The following P2RY12 variants were observed in gnomAD, a reference collection of about 807,000 sequenced individuals.
P2RY12 encodes P2Y purinoceptor 12.
In P2RY12, 3 loss-of-function variants were observed where a neutral mutation model predicts 4.5. That is an observed-to-expected ratio of 0.67 (90% confidence interval 0.31 to 1.74). P2RY12 has a LOEUF of 1.74. P2RY12 is among the 40% of genes most tolerant of loss of function. The pLI, the probability that P2RY12 is intolerant of heterozygous loss-of-function variation, is 0.09. For synonymous variants in P2RY12, 148 were observed against 154.1 expected, an observed-to-expected ratio of 0.96 and a Z score of 0.29; for missense variants, 356 against 407.8, an observed-to-expected ratio of 0.87 and a Z score of 1.09.
intron 1 of P2RY12, chr3:151,383,638 G>T: frequency 1.7e-6 from 1 of 583,618 alleles, no homozygotes. Context: ...GTAGGTAAAA[G>T]AGAAAAGATA....
intron 1 of P2RY12, among the ~76,000 whole-genome samples, chr3:151,354,017 T>TC (rs35200721): frequency 1.8e-4 from 8 of 45,400 alleles, no homozygotes; most frequent in African/African-American, 6.8e-4. Context: ...GGCGGGCGCC[T>TC]GTAGTCCCAG....
At chr3:151,366,510 C>A (rs973243281) in intron 1 of P2RY12, among the ~76,000 whole-genome samples, 1 of 152,152 alleles carries the variant, frequency 6.6e-6, no homozygotes, top group African/African-American at 2.4e-5. Context: ...TGAAAAGATA[C>A]CCCTTGTATA....
At chr3:151,358,649 T>C (rs1311147564) in intron 1 of P2RY12, among the ~76,000 whole-genome samples, 1 of 152,220 alleles carries the variant, frequency 6.6e-6, no homozygotes, top group Non-Finnish European at 1.5e-5. Flanking sequence ...ATTTTTATCC[T>C]GTTAAATATT....
chr3:151,364,657 T>C (rs1755058531), intron 1 of P2RY12, among the ~76,000 whole-genome samples: 1 of 152,196 alleles, frequency 6.6e-6, no homozygotes, highest in African/African-American at 2.4e-5. Context: ...GACACAGTTG[T>C]TGGAAGCCAT....
intron 1 of P2RY12, among the ~76,000 whole-genome samples, chr3:151,370,267 C>T (rs1756011592): frequency 6.6e-6 from 1 of 152,084 alleles, no homozygotes; most frequent in Admixed American, 6.5e-5. Flanking sequence ...AGTCAGACTG[C>T]CTAATTCCAA....
intron 1 of P2RY12, chr3:151,367,495 A>G (rs952047834): frequency 8.4e-6 from 5 of 592,500 alleles, no homozygotes; most frequent in African/African-American, 3.8e-5. Flanking sequence ...GGCCTAGAGG[A>G]TAATCATCAT....
chr3:151,375,954 G>A (rs913281893), intron 1 of P2RY12: 1 of 619,524 alleles, frequency 1.6e-6, no homozygotes, highest in African/African-American at 2.3e-5. Flanking sequence ...ATGCACTGTG[G>A]ATTTAGTACA....
chr3:151,378,012 T>G (rs1300092243), intron 1 of P2RY12: 1 of 1,593,002 alleles, frequency 6.3e-7, no homozygotes, highest in South Asian at 1.1e-5. Context: ...CTGATTTTAG[T>G]TCCTCCGAAC....
At chr3:151,353,543 G>T (rs1297713722) in intron 1 of P2RY12, among the ~76,000 whole-genome samples, 3 of 152,164 alleles carry the variant, frequency 2.0e-5, no homozygotes, top group Admixed American at 6.5e-5. Context: ...CTAGCATCAA[G>T]GTTTCTTTGT....
chr3:151,368,696 TTTCATTTCATTTCATTTCATTTC>T (rs1560087701), intron 1 of P2RY12, among the ~76,000 whole-genome samples: 96 of 54,838 alleles, frequency 1.8e-3, no homozygotes, highest in South Asian at 0.017. Context: ...TTTTATTTCA[TTTCATTTCATTTCATTTCATTTC>T]ATTTCATTTC....
At chr3:151,360,768 A>G (rs1426558637) in intron 1 of P2RY12, among the ~76,000 whole-genome samples, 2 of 152,178 alleles carry the variant, frequency 1.3e-5, no homozygotes, top group Non-Finnish European at 2.9e-5. Context: ...GAATATTAAA[A>G]TAGACAGGGA....
At chr3:151,350,039 A>C in intron 1 of P2RY12, 1 of 1,601,946 alleles carries the variant, frequency 6.2e-7, no homozygotes, top group Non-Finnish European at 8.5e-7. Context: ...GAGTTTCAGA[A>C]TGCATTTTCT....
At chr3:151,349,942 C>CG (rs1305261234) in intron 1 of P2RY12, 5 of 780,408 alleles carry the variant, frequency 6.4e-6, no homozygotes, top group Admixed American at 2.7e-5. Flanking sequence ...GAAGGGAGGG[C>CG]GGGATGCCAC....
At chr3:151,376,762 G>A in intron 1 of P2RY12, 2 of 1,504,800 alleles carry the variant, frequency 1.3e-6, no homozygotes, top group Non-Finnish European at 1.8e-6. Flanking sequence ...TAACACATTT[G>A]ATACCCATAA....
rs770940074 is a variant in P2RY12, at chr3:151,338,467, TG to T, written c.378del (p.Thr127ProfsTer34). On this transcript the variant is annotated frameshift_variant, in exon 3 of 3. Coordinates refer to ENST00000302632, the MANE Select transcript of P2RY12 (RefSeq NM_022788.5). LOFTEE classifies it high-confidence loss of function. ...GLITIDRYQK[T>X]TRPFKTSNPK... ...GGGTTGGATGTTTTAAATGGCCTGG[TG>T]GTCTTCTGGTAGCGATCGATAGTTA... The T allele has an allele frequency of 1.9e-6, 3 of 1,614,030 alleles. No homozygotes were observed. The highest frequency in any genetic ancestry group is 1.1e-5 in the South Asian group (1 of 91,068).
chr3:151,359,261 T>C (rs2150070000), intron 1 of P2RY12, among the ~76,000 whole-genome samples: 1 of 152,314 alleles, frequency 6.6e-6, no homozygotes, highest in Non-Finnish European at 1.5e-5. Flanking sequence ...CATGATTTTG[T>C]TCTTTTTTAT....
In P2RY12 at chr3:151,380,019, T is replaced by C. The variant is rs1711967560; in HGVS notation, c.-180+4673A>G. ...CTTTGGCTATTTACCACCTCTCTTA[T>C]TTATCTAATAGTGAGGCAAAGAAAT... is the stretch of plus-strand genomic sequence containing the variant. On this transcript the variant is annotated intron_variant, in intron 1 of 2. Transcript: ENST00000302632. The C allele has an allele frequency of 1.2e-5, 9 of 753,384 alleles. No homozygotes were observed. The South Asian group carries it at 1.7e-4, about 14-fold the overall frequency. 46.7% of individuals were successfully genotyped at this position (753,384 alleles called of 1,614,324 possible).
chr3:151,375,895 T>G, intron 1 of P2RY12: 1 of 515,824 alleles, frequency 1.9e-6, no homozygotes, highest in Non-Finnish European at 3.0e-6. Flanking sequence ...ACCTACTTTT[T>G]AATGTAATTT....
At chr3:151,374,456 G>A (rs1756578131) in intron 1 of P2RY12, among the ~76,000 whole-genome samples, 1 of 152,192 alleles carries the variant, frequency 6.6e-6, no homozygotes, top group South Asian at 2.1e-4. Flanking sequence ...GCTGAGGCAT[G>A]AGAATCGCTT....
Sources: allele counts gnomAD v4.1 joint callset (sites outside exome capture counted in the v4.1 genomes callset), GRCh38; gene constraint gnomAD v4.1.1; transcripts MANE v1.5; gene names NCBI Gene and HGNC (gene_info 2026-07-23, HGNC 2026-07-21).